CCDC40: variants seen among roughly 807,000 people sequenced by gnomAD.
CCDC40 encodes coiled-coil domain 40 molecular ruler complex subunit, also known as coiled-coil domain-containing protein 40.
CCDC40 carries 104 observed loss-of-function variants against 124.5 expected under a neutral mutation model. That is an observed-to-expected ratio of 0.84 (90% CI 0.71 to 0.98). CCDC40 has a LOEUF of 0.98. Ranked by LOEUF, CCDC40 falls within the 50% of genes least tolerant of loss-of-function variation. CCDC40 has a pLI of 0.00. For synonymous variants in CCDC40, 580 were observed against 602.9 expected (o/e 0.96, Z 0.56); for missense variants, 1,463 against 1,503.9 (o/e 0.97, Z 0.45).
chr17:80,048,779 GGTTTT>G lies in CCDC40; in HGVS notation c.855+20_855+24del, dbSNP rs2037498801. 1 of 1,593,028 alleles carries G rather than the reference GGTTTT, an allele frequency of 6.3e-7. No homozygotes were observed. The highest frequency in any genetic ancestry group is 1.8e-5 in the Admixed American group (1 of 55,976). On this transcript the variant is annotated intron_variant, in intron 5 of 19. Coordinates refer to ENST00000397545, the MANE Select transcript of CCDC40 (RefSeq NM_017950.4). Reference sequence around the variant, plus strand: ...CAGACCACGTAAGGAAGCCTTCCCAGGTTTTGCTTTTGCCTACATGGATGGCGAAT... The same window carrying G: ...CAGACCACGTAAGGAAGCCTTCCCAGGCTTTTGCCTACATGGATGGCGAAT...
chr17:80,080,639 CA>C (rs2038425746), intron 10 of CCDC40, among the ~76,000 whole-genome samples: 1 of 152,166 alleles, frequency 6.6e-6, no homozygotes, highest in South Asian at 2.1e-4. Flanking sequence ...GGATTATTGT[CA>C]TGGTTAAGGA....
intron 2 of CCDC40, among the ~76,000 whole-genome samples, 192 bp from the exon 3 acceptor site, chr17:80,039,620 C>T (rs1490821808): frequency 2.0e-5 from 3 of 151,920 alleles, no homozygotes; most frequent in Admixed American, 6.6e-5. Flanking sequence ...CCATGTTGGT[C>T]AGGATGGTCT....
chr17:80,071,681 C>T (rs1018983268), intron 10 of CCDC40, among the ~76,000 whole-genome samples: 1 of 152,104 alleles, frequency 6.6e-6, no homozygotes, highest in Non-Finnish European at 1.5e-5. Context: ...TACATGGATG[C>T]CCCACACTTT....
At chr17:80,053,192 G>A (rs988903784) in intron 7 of CCDC40, among the ~76,000 whole-genome samples, 2 of 152,220 alleles carry the variant, frequency 1.3e-5, no homozygotes, top group Non-Finnish European at 2.9e-5. Flanking sequence ...AAAGACTCGT[G>A]ACGGGCCATG....
rs1356702129 is a variant in CCDC40 at position 80,066,175 on chromosome 17, G to A, written c.1562+569G>A. On this transcript the variant is annotated intron_variant, in intron 10 of 19. Transcript: ENST00000397545. This position sits in a 1 kb window ranked among gnomAD's most constrained non-coding sequence, Gnocchi z 4.4. ...GAAAGAAAAAGCCGGGCACTGTGGTGGCACGTGTCTCACCCGCTGAGCTTT... is the reference window on the plus strand; with the variant it reads ...GAAAGAAAAAGCCGGGCACTGTGGTAGCACGTGTCTCACCCGCTGAGCTTT... 2.8e-6 allele frequency: 2 copies of A among 702,808 alleles called. No individual in the cohort carries two copies. The highest frequency in any genetic ancestry group is 3.0e-5 in the South Asian group (2 of 67,604). 43.5% of individuals were successfully genotyped at this position (702,808 alleles called of 1,614,324 possible).
intron 3 of CCDC40, among the ~76,000 whole-genome samples, chr17:80,040,994 G>T (rs1251687303): frequency 2.6e-5 from 4 of 152,182 alleles, no homozygotes; most frequent in African/African-American, 9.7e-5. Context: ...CTGCCATAAT[G>T]AATAGTGCAG....
At chr17:80,090,234 G>T in intron 17 of CCDC40, 2 of 872,702 alleles carry the variant, frequency 2.3e-6, no homozygotes, top group Non-Finnish European at 1.7e-6. Context: ...GACGCGCGCA[G>T]GCACGTGCAC....
rs376546339 is a variant in CCDC40, at chr17:80,099,512, T to C, written c.3181-15T>C. On this transcript the variant is annotated splice_polypyrimidine_tract_variant and intron_variant, in intron 19 of 19. Coordinates refer to ENST00000397545, the MANE Select transcript of CCDC40 (RefSeq NM_017950.4). Reference sequence around the variant, plus strand: ...GGTTTGCATAGCCCTATATGGAGTCTCTTTTCCTACCCAGAACCTTTCAGA... The same window carrying C: ...GGTTTGCATAGCCCTATATGGAGTCCCTTTTCCTACCCAGAACCTTTCAGA... The C allele has an allele frequency of 3.1e-6, 5 of 1,604,090 alleles. No individual in the cohort carries two copies. In the African/African-American group the frequency reaches 6.7e-5, roughly 21 times the overall value.
At chr17:80,080,470 GTATC>G (rs1334108277) in intron 10 of CCDC40, among the ~76,000 whole-genome samples, 1 of 152,194 alleles carries the variant, frequency 6.6e-6, no homozygotes, top group Non-Finnish European at 1.5e-5. Context: ...TTAATTACAG[GTATC>G]TCATCGCAGC....
intron 5 of CCDC40, among the ~76,000 whole-genome samples, chr17:80,049,250 A>T (rs1025288654): frequency 1.4e-4 from 21 of 151,818 alleles, no homozygotes; most frequent in Admixed American, 1.1e-3. Context: ...CAAAAAAAAA[A>T]AAAAATTAGC....
intron 9 of CCDC40, among the ~76,000 whole-genome samples, chr17:80,062,155 G>T (rs554494038): frequency 6.6e-6 from 1 of 151,976 alleles, no homozygotes; most frequent in South Asian, 2.1e-4. Flanking sequence ...GGGAGATGAC[G>T]CTCATCACCG....
chr17:80,047,730 A>G lies in CCDC40; in HGVS notation c.676+328A>G, dbSNP rs7212117. 0.34 allele frequency among the ~76,000 whole-genome samples: 51,622 copies of G among 152,010 alleles called. 11,322 individuals carry two copies. The highest frequency in any genetic ancestry group is 0.63 in the African/African-American group (26,040 of 41,440). On this transcript the variant is annotated intron_variant, in intron 4 of 19. Coordinates refer to ENST00000397545, the MANE Select transcript of CCDC40 (RefSeq NM_017950.4). ...GTGACGCCCAGCCCCATCCCCTGAC[A>G]GCCATTTCTCACGGGCTCCTGGTCT...
intron 7 of CCDC40, among the ~76,000 whole-genome samples, chr17:80,057,841 A>C (rs866493737): frequency 2.4e-4 from 36 of 151,052 alleles, no homozygotes; most frequent in Middle Eastern, 3.4e-3. Context: ...GCGCCACTGC[A>C]CTCCAGCCTG....
At chr17:80,093,833 ATTT>A (rs1341812856) in intron 17 of CCDC40, among the ~76,000 whole-genome samples, 1 of 151,966 alleles carries the variant, frequency 6.6e-6, no homozygotes, top group Non-Finnish European at 1.5e-5. Context: ...ATTTCTTAAC[ATTT>A]TTTAGGAGTT....
At chr17:80,080,866 G>A (rs1213743149) in intron 10 of CCDC40, among the ~76,000 whole-genome samples, 3 of 152,152 alleles carry the variant, frequency 2.0e-5, no homozygotes, top group Non-Finnish European at 4.4e-5. Flanking sequence ...ATGTCACAGT[G>A]ACTACAGTTC....
rs1178321097 is a variant in CCDC40, at chr17:80,081,903, C to T, written c.1834C>T (p.Gln612Ter). 6.2e-7 allele frequency: 1 copy of T among 1,614,006 alleles called. No individual in the cohort carries two copies. The highest frequency in any genetic ancestry group is 8.5e-7 in the Non-Finnish European group (1 of 1,180,038). ...LEQMILTEEL[Q>*]AIRQAIQGEL... The stretch of plus-strand genomic sequence containing the variant: ...ACAAATGATACTCACGGAGGAGTTG[C>T]AGGCCATCCGCCAAGCCATCCAGGG... The change falls in exon 12 of 20, where the codon CAG becomes TAG. Residue 612 changes from glutamine to a stop codon, truncating the protein, a stop_gained. Transcript: ENST00000397545. LOFTEE classifies it high-confidence loss of function.
intron 17 of CCDC40, 52 bp downstream of exon 17, chr17:80,089,936 C>T: frequency 3.1e-6 from 5 of 1,605,368 alleles, no homozygotes; most frequent in Non-Finnish European, 3.4e-6. Flanking sequence ...AGCCCTTGGG[C>T]TCTGGAGACC....
chr17:80,047,231 A>C, intron 3 of CCDC40, 48 bp from the exon 4 acceptor site: 4 of 1,588,894 alleles, frequency 2.5e-6, no homozygotes, highest in South Asian at 1.1e-5. Context: ...ATAACTTCTC[A>C]GTGGCAATTA....
In CCDC40 at chr17:80,087,761, C is replaced by G. The variant is rs61749027; in HGVS notation, c.2604C>G (p.Phe868Leu). 6.2e-7 allele frequency: 1 copy of G among 1,614,038 alleles called. No homozygotes were observed. Among genetic ancestry groups the G allele is most frequent in the East Asian group, 2.2e-5 (1 of 44,880 alleles). The part of the protein sequence containing the change: ...EQNNRVTENE[F>L]VRSLKASERE... ...ACAACCGGGTGACAGAGAATGAGTT[C>G]GTGCGCTCGCTGAAGGTCCGGCCGT... The change falls in exon 15 of 20, where the codon TTC becomes TTG. Residue 868 changes from phenylalanine to leucine, a missense_variant. Transcript: ENST00000397545. This position sits in a 1 kb window ranked among gnomAD's most constrained non-coding sequence, Gnocchi z 4.5.
Sources: gnomAD v4.1 joint callset for allele counts (sites outside exome capture counted in the v4.1 genomes callset) on GRCh38, gnomAD v4.1.1 for gene constraint, Gnocchi (gnomAD v3.1) non-coding constraint, MANE v1.5 for transcripts, NCBI Gene and HGNC (gene_info 2026-07-23, HGNC 2026-07-21) for gene names.